Variants in MSN observed in about 807,000 individuals in gnomAD.
MSN encodes the protein moesin.
MSN carries 2 observed loss-of-function variants against 48.0 expected under a neutral mutation model. The observed-to-expected ratio is 0.04, with a 90% CI of 0.02 to 0.13. The LOEUF (loss-of-function observed/expected upper bound fraction) is 0.13, where lower values mean the gene tolerates loss of function less well. Among genes scored for constraint, MSN ranks in the 10% least tolerant of loss-of-function variants. The pLI is 1.00. For synonymous variants in MSN, 146 were observed against 166.9 expected (o/e 0.87, Z 0.97); for missense variants, 267 against 470.1 (o/e 0.57, Z 3.99).
At chrX:65,618,608 T>C (rs369210313) in intron 1 of MSN, among the ~76,000 whole-genome samples, 2 of 111,367 alleles carry the variant, frequency 1.8e-5, no homozygotes, top group African/African-American at 3.3e-5. Context: ...TGTCTCTGCA[T>C]GTGAGATGGG....
chrX:65,691,609 A>AT (rs1221765998), intron 1 of MSN, among the ~76,000 whole-genome samples: 3 of 110,826 alleles, frequency 2.7e-5, no homozygotes, highest in African/African-American at 9.9e-5. Flanking sequence ...GGTTCAAGTG[A>AT]TTATGCTGCC....
chrX:65,679,213 G>A (rs973773524), intron 1 of MSN, among the ~76,000 whole-genome samples: 2 of 111,771 alleles, frequency 1.8e-5, no homozygotes, highest in African/African-American at 6.5e-5. Flanking sequence ...AGGAAGAATA[G>A]AAGACCCTTG....
intron 1 of MSN, among the ~76,000 whole-genome samples, chrX:65,589,318 T>C (rs1452366991): frequency 9.1e-6 from 1 of 110,354 alleles, no homozygotes; most frequent in Non-Finnish European, 1.9e-5. Context: ...CCCTGCTGTA[T>C]ACCGTGGCAC....
chrX:65,620,189 G>A (rs1162641216), intron 1 of MSN, among the ~76,000 whole-genome samples: 1 of 112,668 alleles, frequency 8.9e-6, no homozygotes, highest in South Asian at 3.6e-4. Flanking sequence ...CCCAGAGGTG[G>A]AGCCTACAGA....
At chrX:65,708,770 C>T (rs1332181789) in intron 1 of MSN, among the ~76,000 whole-genome samples, 1 of 111,199 alleles carries the variant, frequency 9.0e-6, no homozygotes, top group Non-Finnish European at 1.9e-5. Context: ...GCAACCTCCG[C>T]CTCTCGGGTT....
chrX:65,738,434 C>T (rs1230229747), intron 10 of MSN, 91 bp from the exon 11 acceptor site: 1 of 747,732 alleles, frequency 1.3e-6, no homozygotes, highest in Non-Finnish European at 2.0e-6. Context: ...CAGTAGGTCC[C>T]TTACTAGTCC....
intron 1 of MSN, among the ~76,000 whole-genome samples, chrX:65,594,186 G>A (rs562093666): frequency 8.9e-6 from 1 of 111,800 alleles, no homozygotes; most frequent in South Asian, 3.7e-4. Flanking sequence ...CTAGTCCACC[G>A]CCCTTAATTT....
intron 1 of MSN, among the ~76,000 whole-genome samples, chrX:65,610,268 C>T (rs2070310387): frequency 8.9e-6 from 1 of 112,052 alleles, no homozygotes; most frequent in Non-Finnish European, 1.9e-5. Flanking sequence ...TACTCCCTGC[C>T]TCCCTCCTGT....
intron 1 of MSN, among the ~76,000 whole-genome samples, chrX:65,609,593 A>ACT (rs2070303981): frequency 8.9e-6 from 1 of 111,850 alleles, no homozygotes; most frequent in Non-Finnish European, 1.9e-5. Context: ...GATAAAGAGT[A>ACT]GATTTCCTGG....
chrX:65,738,506 G>T lies in MSN; in HGVS notation c.1252-19G>T. The stretch of plus-strand genomic sequence containing the variant: ...GGACCAGAAGGCCCAGCTCTCACAG[G>T]CTTCCAATTTATCCGTAGGCCTTGG... On this transcript the variant is annotated intron_variant, in intron 10 of 12. Transcript: ENST00000360270. 8.4e-7 allele frequency: 1 copy of T among 1,192,526 alleles called. No homozygotes were observed. The highest frequency in any genetic ancestry group is 1.1e-6 in the Non-Finnish European group (1 of 884,001).
At chrX:65,613,068 C>T (rs1311437941) in intron 1 of MSN, among the ~76,000 whole-genome samples, 1 of 110,873 alleles carries the variant, frequency 9.0e-6, no homozygotes, top group African/African-American at 3.3e-5. Flanking sequence ...GTGTGATGTT[C>T]CCTGTGTCCA....
chrX:65,726,735 A>G (rs955775658), intron 2 of MSN, among the ~76,000 whole-genome samples: 1 of 110,871 alleles, frequency 9.0e-6, no homozygotes, highest in Non-Finnish European at 1.9e-5. Context: ...TATTTCTATG[A>G]TTCTTTCTCA....
intron 1 of MSN, among the ~76,000 whole-genome samples, chrX:65,613,616 T>C (rs1490815847): frequency 8.9e-6 from 1 of 112,550 alleles, no homozygotes; most frequent in Non-Finnish European, 1.9e-5. Flanking sequence ...ATTTCTCTAA[T>C]GACCGGTGAT....
In MSN at chrX:65,741,537, A is replaced by G. The variant is rs1364794566; in HGVS notation, c.*1644A>G. The G allele has an allele frequency of 6.0e-6, 1 of 167,632 alleles. No individual in the cohort carries two copies. Among genetic ancestry groups the G allele is most frequent in the East Asian group, 8.5e-5 (1 of 11,729 alleles). The allele number at this position is 167,632 out of a possible 1,213,427, so 13.8% of individuals were successfully genotyped here. On this transcript the variant is annotated 3_prime_UTR_variant, in exon 13 of 13. Transcript: ENST00000360270. The stretch of plus-strand genomic sequence containing the variant: ...CTTAAAGTACTTGTTATTTGTTTTT[A>G]TTATTACTGTTTGTCTTCTCCCCAG...
At chrX:65,667,211 G>GCTGC (rs2070879885), upstream of MSN, among the ~76,000 whole-genome samples, 2 of 112,087 alleles carry the variant, frequency 1.8e-5, no homozygotes, top group East Asian at 5.6e-4. Context: ...GCAGAACTGA[G>GCTGC]ATCCATGGAT....
chrX:65,672,843 T>C (rs1272618239), intron 1 of MSN, among the ~76,000 whole-genome samples: 1 of 111,807 alleles, frequency 8.9e-6, no homozygotes, highest in African/African-American at 3.3e-5. Flanking sequence ...GAGTCTCTTA[T>C]ATGTATGTTC....
At chrX:65,658,257 T>C (rs770325085) in intron 1 of MSN, among the ~76,000 whole-genome samples, 1 of 111,589 alleles carries the variant, frequency 9.0e-6, no homozygotes, top group Non-Finnish European at 1.9e-5. Flanking sequence ...TTCTCTTTTT[T>C]GTGTAAGGGG....
chrX:65,695,448 C>T (rs1282605081), intron 1 of MSN, among the ~76,000 whole-genome samples: 5 of 97,284 alleles, frequency 5.1e-5, no homozygotes, highest in Admixed American at 1.3e-4. Flanking sequence ...TGCAGTTAGC[C>T]GAGATCATGA....
intron 10 of MSN, among the ~76,000 whole-genome samples, chrX:65,737,954 G>A (rs1160637252): frequency 8.9e-6 from 1 of 112,341 alleles, no homozygotes; most frequent in African/African-American, 3.2e-5. Context: ...AGAACCTGTG[G>A]TCCAAACTCC....
Sources: allele counts gnomAD v4.1 joint callset (sites outside exome capture counted in the v4.1 genomes callset), GRCh38; gene constraint gnomAD v4.1.1; transcripts MANE v1.5; gene names NCBI Gene and HGNC (gene_info 2026-07-23, HGNC 2026-07-21).